Variants in OPCML observed in about 807,000 individuals in gnomAD.
The protein encoded by OPCML is opioid binding protein/cell adhesion molecule like, also known as opioid-binding protein/cell adhesion molecule.
In OPCML, 13 loss-of-function variants were observed where a neutral mutation model predicts 37.8. The ratio of observed to expected loss-of-function variants is 0.34; its 90% CI spans 0.22 to 0.55. The LOEUF (loss-of-function observed/expected upper bound fraction) is 0.55. OPCML is among the 20% of genes least tolerant of loss of function. OPCML has a pLI of 0.91. For missense variants in OPCML, 341 were observed against 435.6 expected (o/e 0.78, Z 1.93); for synonymous variants, 176 against 168.8 (o/e 1.04, Z -0.33).
intron 2 of OPCML, among the ~76,000 whole-genome samples, chr11:132,682,515 C>T (rs1445255500): frequency 6.6e-6 from 1 of 152,178 alleles, no homozygotes; most frequent in Non-Finnish European, 1.5e-5. Flanking sequence ...TAAGAGAGAA[C>T]AATCATCTTT....
intron 3 of OPCML, 98 bp from the exon 4 acceptor site, chr11:132,529,284 T>C (rs1458673929): frequency 4.9e-6 from 7 of 1,414,794 alleles, no homozygotes; most frequent in Admixed American, 4.9e-5. Flanking sequence ...GTTTTTATAA[T>C]AAATATTGTT....
At chr11:132,676,094 T>A (rs563144320) in intron 2 of OPCML, among the ~76,000 whole-genome samples, 1 of 152,234 alleles carries the variant, frequency 6.6e-6, no homozygotes, top group East Asian at 1.9e-4. Flanking sequence ...AAGATAAACA[T>A]ATAGATCAAT....
At chr11:132,919,453 T>A (rs949715559) in intron 2 of OPCML, among the ~76,000 whole-genome samples, 1 of 152,190 alleles carries the variant, frequency 6.6e-6, no homozygotes, top group Non-Finnish European at 1.5e-5. Flanking sequence ...GCTGTTAGAA[T>A]GAAGAGTGCT....
chr11:132,842,313 C>T (rs997437950), intron 2 of OPCML, among the ~76,000 whole-genome samples: 13 of 152,182 alleles, frequency 8.5e-5, no homozygotes, highest in African/African-American at 2.7e-4. Context: ...TGCTAGAGGT[C>T]GCTGAGGGTC....
At chr11:133,132,658 G>A (rs566630751) in intron 1 of OPCML, among the ~76,000 whole-genome samples, 1 of 152,008 alleles carries the variant, frequency 6.6e-6, no homozygotes, top group African/African-American at 2.4e-5. Flanking sequence ...CGATACAATG[G>A]AATACTAATC....
chr11:132,550,066 A>G (rs1391648933), intron 3 of OPCML, among the ~76,000 whole-genome samples: 3 of 152,122 alleles, frequency 2.0e-5, no homozygotes, highest in Admixed American at 6.5e-5. Flanking sequence ...TTCTTGCATG[A>G]GGTCCAAGAA....
At chr11:132,878,158 G>T (rs1354185509) in intron 2 of OPCML, among the ~76,000 whole-genome samples, 1 of 149,594 alleles carries the variant, frequency 6.7e-6, no homozygotes, top group Non-Finnish European at 1.5e-5. Flanking sequence ...CTCCAGCCTG[G>T]GCGAGAGATC....
At chr11:132,886,303 T>C (rs967952927) in intron 2 of OPCML, among the ~76,000 whole-genome samples, 3 of 152,242 alleles carry the variant, frequency 2.0e-5, no homozygotes, top group Non-Finnish European at 2.9e-5. Flanking sequence ...ACAACAACCA[T>C]GCTACTGTGG....
At chr11:132,934,249 G>T (rs944582204) in intron 2 of OPCML, among the ~76,000 whole-genome samples, 3 of 152,140 alleles carry the variant, frequency 2.0e-5, no homozygotes, top group African/African-American at 7.2e-5. Context: ...GACCCTCAGA[G>T]AAGAGATCCT....
chr11:132,726,037 A>T (rs1944868676), intron 2 of OPCML, among the ~76,000 whole-genome samples: 1 of 152,184 alleles, frequency 6.6e-6, no homozygotes, highest in Non-Finnish European at 1.5e-5. Flanking sequence ...AGGAAGTTTT[A>T]AACTTTGCCA....
intron 3 of OPCML, among the ~76,000 whole-genome samples, chr11:132,579,085 G>A (rs1250891089): frequency 6.6e-6 from 1 of 152,220 alleles, no homozygotes; most frequent in East Asian, 1.9e-4. Context: ...TTTTTCTAGG[G>A]CAGACAGTAA....
chr11:132,638,101 C>T (rs970730913), intron 3 of OPCML, among the ~76,000 whole-genome samples: 1 of 150,260 alleles, frequency 6.7e-6, no homozygotes, highest in African/African-American at 2.4e-5. Context: ...CGTGGAGAAG[C>T]ATAGTATTAG....
At chr11:132,667,983 C>G (rs145889249) in intron 2 of OPCML, among the ~76,000 whole-genome samples, 3,080 of 152,088 alleles carry the variant, frequency 0.02, 46 homozygotes, top group Admixed American at 0.033. Flanking sequence ...AAGTGAGCAA[C>G]AGGGAGGAAG....
chr11:133,458,100 C>T (rs181421045), intron 1 of OPCML, among the ~76,000 whole-genome samples: 149 of 151,612 alleles, frequency 9.8e-4, no homozygotes, highest in African/African-American at 3.4e-3. Context: ...GAGCCAAGAT[C>T]GTACCATTGC....
chr11:133,425,533 T>C (rs1945984445), intron 1 of OPCML, among the ~76,000 whole-genome samples: 3 of 152,244 alleles, frequency 2.0e-5, no homozygotes, highest in Non-Finnish European at 4.4e-5. Context: ...GTTACATCTT[T>C]AGAAAGTGGC....
At chr11:132,623,088 G>A (rs181016296) in intron 3 of OPCML, among the ~76,000 whole-genome samples, 48 of 152,250 alleles carry the variant, frequency 3.2e-4, no homozygotes, top group Admixed American at 9.8e-4. Flanking sequence ...GAAGCCTCAG[G>A]TCATTTGCTA....
chr11:133,479,283 T>A (rs1947322399), intron 1 of OPCML, among the ~76,000 whole-genome samples: 1 of 152,108 alleles, frequency 6.6e-6, no homozygotes, highest in Non-Finnish European at 1.5e-5. Flanking sequence ...CCCCAGAGGA[T>A]TCTCACGCAC....
intron 1 of OPCML, among the ~76,000 whole-genome samples, chr11:133,429,417 C>A (rs1327361264): frequency 6.6e-6 from 1 of 152,106 alleles, no homozygotes; most frequent in East Asian, 1.9e-4. Context: ...CTTTTTACTC[C>A]AAGTGAGATG....
chr11:132,995,074 T>G lies in OPCML; in HGVS notation c.62-52064A>C, dbSNP rs568678609. Among the ~76,000 whole-genome samples, 7 of 152,218 alleles carry G rather than the reference T, an allele frequency of 4.6e-5. No individual in the cohort carries two copies. The East Asian group carries it at 1.4e-3, about 29-fold the overall frequency. On this transcript the variant is annotated intron_variant, in intron 1 of 7. Coordinates refer to ENST00000524381, the MANE Select transcript of OPCML (RefSeq NM_001012393.5). ...CTCTCTACCAGGGCACTGTGATGAG[T>G]GCAGCATAACCAAATACGTACATCT...
Sources: allele counts gnomAD v4.1 joint callset (sites outside exome capture counted in the v4.1 genomes callset), GRCh38; gene constraint gnomAD v4.1.1; transcripts MANE v1.5; gene names NCBI Gene and HGNC (gene_info 2026-07-23, HGNC 2026-07-21).